The following PTPN13 variants were observed in gnomAD, a reference collection of about 807,000 sequenced individuals.
PTPN13 encodes tyrosine-protein phosphatase non-receptor type 13.
In PTPN13, 191 loss-of-function variants were observed where a neutral mutation model predicts 284.0. That is an observed-to-expected ratio of 0.67 (90% CI 0.60 to 0.76). The LOEUF is 0.76. PTPN13 is among the 30% of genes least tolerant of loss of function. PTPN13 has a pLI of 0.00. For missense variants in PTPN13, 2,797 were observed against 2,939.9 expected (o/e 0.95, Z 1.12); for synonymous variants, 986 against 1,022.3 (o/e 0.96, Z 0.68).
Position 86,693,653 on chromosome 4 carries a change from CGAGGAAAAG to C in PTPN13, c.616_624del (p.Gly206_Gly208del). ...AAGCCAGGCTATTCGAGATCGATTG[CGAGGAAAAG>C]GATTACCAACAGGTAAGAGTATATT... On this transcript the variant is annotated inframe_deletion, in exon 6 of 48. Coordinates refer to ENST00000411767, the MANE Select transcript of PTPN13 (RefSeq NM_080683.3). 1 of 1,551,872 alleles carries C rather than the reference CGAGGAAAAG, an allele frequency of 6.4e-7. No individual in the cohort carries two copies. Among genetic ancestry groups the C allele is most frequent in the Non-Finnish European group, 8.7e-7 (1 of 1,144,990 alleles).
intron 37 of PTPN13, among the ~76,000 whole-genome samples, chr4:86,783,832 A>T (rs1741604500): frequency 6.6e-6 from 1 of 151,930 alleles, no homozygotes; most frequent in Non-Finnish European, 1.5e-5. Flanking sequence ...TGCTCCATGA[A>T]GTGCTTTACA....
intron 17 of PTPN13, among the ~76,000 whole-genome samples, chr4:86,747,142 A>C (rs929647775): frequency 6.6e-6 from 1 of 152,244 alleles, no homozygotes; most frequent in Non-Finnish European, 1.5e-5. Context: ...AAAAGTTTGA[A>C]GTTAGTCTGT....
intron 6 of PTPN13, among the ~76,000 whole-genome samples, chr4:86,696,151 GTTAT>G (rs539657694): frequency 6.6e-5 from 10 of 151,924 alleles, no homozygotes; most frequent in African/African-American, 2.2e-4. Flanking sequence ...TTTTTAATAG[GTTAT>G]TTGTCATTTA....
intron 38 of PTPN13, among the ~76,000 whole-genome samples, chr4:86,784,907 T>C (rs746005029): frequency 2.6e-5 from 4 of 152,176 alleles, no homozygotes; most frequent in Non-Finnish European, 4.4e-5. Context: ...ACTTTGTTTC[T>C]TTCATAAATT....
chr4:86,799,619 C>T lies in PTPN13; in HGVS notation c.6505+415C>T, dbSNP rs531466711. Among the ~76,000 whole-genome samples the T allele has an allele frequency of 2.0e-3, 307 of 151,542 alleles. 2 individuals carry two copies. Among genetic ancestry groups the T allele is most frequent in the Non-Finnish European group, 3.3e-3 (227 of 67,814 alleles). ...TGCTGGGATTACAGGCATGAACCAC[C>T]GCACCCAGCCACAGTATTTGCTTTT... On this transcript the variant is annotated intron_variant, in intron 42 of 47. Coordinates refer to ENST00000411767, the MANE Select transcript of PTPN13 (RefSeq NM_080683.3).
intron 2 of PTPN13, among the ~76,000 whole-genome samples, chr4:86,635,661 T>C (rs1453351359): frequency 6.6e-6 from 1 of 151,954 alleles, no homozygotes; most frequent in East Asian, 1.9e-4. Context: ...ATGTGGAAAA[T>C]AGCTATTAAC....
chr4:86,629,141 A>G (rs1170969629), intron 1 of PTPN13, among the ~76,000 whole-genome samples: 1 of 149,918 alleles, frequency 6.7e-6, no homozygotes, highest in East Asian at 2.0e-4. Flanking sequence ...AAAAGAAACT[A>G]CCATCAGAGC....
chr4:86,634,721 TG>T (rs1722821915), intron 1 of PTPN13, among the ~76,000 whole-genome samples: 1 of 152,190 alleles, frequency 6.6e-6, no homozygotes, highest in Non-Finnish European at 1.5e-5. Context: ...AATACTTAAT[TG>T]CATTTAGTGC....
chr4:86,613,820 GT>G (rs559456572), intron 1 of PTPN13, among the ~76,000 whole-genome samples: 1 of 152,008 alleles, frequency 6.6e-6, no homozygotes, highest in Non-Finnish European at 1.5e-5. Flanking sequence ...ATCTTTCCTG[GT>G]TTCTCTCTCA....
intron 16 of PTPN13, among the ~76,000 whole-genome samples, chr4:86,743,073 C>T (rs1324912627): frequency 6.6e-6 from 1 of 151,988 alleles, no homozygotes; most frequent in African/African-American, 2.4e-5. Flanking sequence ...TTCTACTAAC[C>T]TCTGGGGAAG....
chr4:86,767,996 C>T lies in PTPN13; in HGVS notation c.4489+20C>T. 6.3e-7 allele frequency: 1 copy of T among 1,588,476 alleles called. No individual in the cohort carries two copies. On this transcript the variant is annotated intron_variant, in intron 28 of 47. Transcript: ENST00000411767. ...CTGAAGGTCAGGCCTTGGGAGACTA[C>T]AATCTCACCTTTAAATTATTCCTCG...
intron 42 of PTPN13, among the ~76,000 whole-genome samples, chr4:86,800,235 G>A (rs1743860694): frequency 1.3e-5 from 2 of 151,954 alleles, no homozygotes; most frequent in African/African-American, 4.8e-5. Context: ...TTATTACTGA[G>A]CCAATGGAGA....
intron 31 of PTPN13, among the ~76,000 whole-genome samples, chr4:86,772,279 C>T (rs1229059589): frequency 6.6e-6 from 1 of 152,086 alleles, no homozygotes; most frequent in Admixed American, 6.5e-5. Context: ...CCTAGGCCGG[C>T]GCGATGGCTC....
intron 39 of PTPN13, 97 bp downstream of exon 39, chr4:86,785,465 T>G: frequency 9.6e-7 from 1 of 1,041,930 alleles, no homozygotes; most frequent in Non-Finnish European, 1.4e-6. Flanking sequence ...TAGTTCTTCT[T>G]CTGTTCCTCA....
chr4:86,774,701 TTATA>T (rs34474473), intron 33 of PTPN13, among the ~76,000 whole-genome samples, 170 bp downstream of exon 33: 1 of 110,576 alleles, frequency 9.0e-6, no homozygotes, highest in African/African-American at 4.2e-5. Flanking sequence ...GGAAATTATT[TTATA>T]TATATATATA....
At chr4:86,738,742 G>C (rs1357960664) in intron 15 of PTPN13, among the ~76,000 whole-genome samples, 1 of 151,980 alleles carries the variant, frequency 6.6e-6, no homozygotes, top group Non-Finnish European at 1.5e-5. Context: ...ATTCAGTGGT[G>C]CGATCTTGGC....
chr4:86,790,132 GA>G (rs1049151473), intron 40 of PTPN13, among the ~76,000 whole-genome samples: 2 of 152,062 alleles, frequency 1.3e-5, no homozygotes, highest in African/African-American at 2.4e-5. Context: ...ACTTTAGTTG[GA>G]AAAAAATTTT....
At position 86,811,649 on chromosome 4, in the gene PTPN13, A is replaced by G. The variant is rs74396777; in HGVS notation, c.7362+541A>G. ...TGAAAGGAAACCATCACCCACTGAC[A>G]CAATGGCGTCCTTCACAGGGAGTGC... On this transcript the variant is annotated intron_variant, in intron 47 of 47. Transcript: ENST00000411767. Among the ~76,000 whole-genome samples the G allele has an allele frequency of 3.7e-3, 562 of 152,300 alleles. 9 individuals are homozygous for G. The East Asian group carries it at 0.071, about 19-fold the overall frequency.
chr4:86,771,562 C>A, intron 31 of PTPN13, 27 bp downstream of exon 31: 1 of 1,525,582 alleles, frequency 6.6e-7, no homozygotes, highest in Admixed American at 2.1e-5. Flanking sequence ...GTGAACCGCT[C>A]AAAGCAACTG....
Sources: allele counts gnomAD v4.1 joint callset (sites outside exome capture counted in the v4.1 genomes callset), GRCh38; gene constraint gnomAD v4.1.1; transcripts MANE v1.5; gene names NCBI Gene and HGNC (gene_info 2026-07-23, HGNC 2026-07-21).